MOB4: variants seen among roughly 807,000 people sequenced by gnomAD.
MOB4 encodes the protein MOB family member 4, phocein.
A neutral mutation model predicts 32.2 loss-of-function variants in MOB4; 4 were observed. The ratio of observed to expected loss-of-function variants is 0.12; its 90% confidence interval spans 0.06 to 0.28. The LOEUF (loss-of-function observed/expected upper bound fraction) is 0.28, where lower values mean the gene tolerates loss of function less well. Ranked by LOEUF, MOB4 falls within the 10% of genes least tolerant of loss-of-function variation. The pLI is 1.00. For missense variants in MOB4, 158 were observed against 271.2 expected (o/e 0.58, Z 2.93); for synonymous variants, 88 against 88.1 (o/e 1.00, Z 0.01).
intron 3 of MOB4, among the ~76,000 whole-genome samples, chr2:197,539,196 G>T (rs1248833630): frequency 6.6e-6 from 1 of 152,074 alleles, no homozygotes; most frequent in East Asian, 1.9e-4. Flanking sequence ...TAATAGGTAG[G>T]ACTTTAGGAG....
rs186717059 is a variant in MOB4, at chr2:197,549,439, T to C, written c.435-836T>C. 5.9e-4 allele frequency among the ~76,000 whole-genome samples: 90 copies of C among 152,306 alleles called. No homozygotes were observed. The East Asian group carries it at 0.016, about 26-fold the overall frequency. The stretch of plus-strand genomic sequence containing the variant: ...AGCTTCAAAGAGCTCATATAAAATA[T>C]GTTAAGAAAAATACTGACTTTTGAC... On this transcript the variant is annotated intron_variant, in intron 6 of 7. Transcript: ENST00000323303.
chr2:197,516,178 C>G (rs997323851), intron 1 of MOB4, 32 bp downstream of exon 1: 1 of 1,580,632 alleles, frequency 6.3e-7, no homozygotes. Flanking sequence ...TGTCGGGCAA[C>G]TAGGTGCCGA....
intron 6 of MOB4, among the ~76,000 whole-genome samples, chr2:197,548,659 A>G (rs1251071930): frequency 6.6e-6 from 1 of 152,186 alleles, no homozygotes; most frequent in African/African-American, 2.4e-5. Context: ...TTTTAAAAGT[A>G]AAATTAGGTT....
intron 5 of MOB4, among the ~76,000 whole-genome samples, chr2:197,541,737 G>A (rs1236514514): frequency 6.6e-6 from 1 of 152,040 alleles, no homozygotes; most frequent in Admixed American, 6.6e-5. Context: ...GGCTAAAACG[G>A]TGAAACCCCG....
chr2:197,530,482 C>T (rs146274651), intron 2 of MOB4, among the ~76,000 whole-genome samples: 2 of 151,308 alleles, frequency 1.3e-5, no homozygotes, highest in East Asian at 1.9e-4. Context: ...CTAGGCTGGT[C>T]TTGAACTCTT....
chr2:197,521,246 C>T (rs541503156), intron 1 of MOB4, among the ~76,000 whole-genome samples: 152 of 152,206 alleles, frequency 1.0e-3, no homozygotes, highest in African/African-American at 3.4e-3. Flanking sequence ...CATCACATGT[C>T]GGTGGGTACC....
chr2:197,550,654 C>A lies in MOB4; in HGVS notation c.*8C>A. Reference sequence around the variant, plus strand: ...GGGGAAAGTGAAGCATGAAGGGAATCATAGGAAAAATGTACTGATCATATA... The same window carrying A: ...GGGGAAAGTGAAGCATGAAGGGAATAATAGGAAAAATGTACTGATCATATA... On this transcript the variant is annotated 3_prime_UTR_variant, in exon 8 of 8. Transcript: ENST00000323303. The A allele has an allele frequency of 6.3e-7, 1 of 1,583,862 alleles. No homozygotes were observed.
chr2:197,533,490 C>G (rs1027727191), intron 2 of MOB4, among the ~76,000 whole-genome samples: 5 of 151,976 alleles, frequency 3.3e-5, no homozygotes, highest in African/African-American at 7.3e-5. Context: ...TTCGGGAGGC[C>G]GAGGCGGGTG....
At chr2:197,516,407 C>T (rs1040327478) in intron 1 of MOB4, 35 of 1,388,908 alleles carry the variant, frequency 2.5e-5, no homozygotes, top group South Asian at 9.1e-5. Flanking sequence ...CTGCCGAAGC[C>T]CTGGGCTGCG....
At chr2:197,548,836 T>C (rs2087044060) in intron 6 of MOB4, among the ~76,000 whole-genome samples, 1 of 152,096 alleles carries the variant, frequency 6.6e-6, no homozygotes, top group South Asian at 2.1e-4. Context: ...TCTGCAGAGC[T>C]CTCCCTCTCA....
intron 1 of MOB4, among the ~76,000 whole-genome samples, chr2:197,521,059 TA>T (rs1344336632): frequency 2.0e-5 from 3 of 152,086 alleles, no homozygotes; most frequent in Non-Finnish European, 4.4e-5. Flanking sequence ...ATGCAGTGTA[TA>T]ATAATCACAT....
intron 1 of MOB4, among the ~76,000 whole-genome samples, chr2:197,522,100 T>C (rs1446153669): frequency 6.6e-6 from 1 of 152,154 alleles, no homozygotes; most frequent in Admixed American, 6.5e-5. Flanking sequence ...GTCCATGAAA[T>C]CTTCACAATC....
chr2:197,540,940 T>C (rs2086885906), intron 5 of MOB4, among the ~76,000 whole-genome samples: 1 of 151,980 alleles, frequency 6.6e-6, no homozygotes, highest in Non-Finnish European at 1.5e-5. Context: ...CTTACTCCGT[T>C]GTCCAGGCTG....
chr2:197,552,888 G>A lies in MOB4; in HGVS notation c.*2242G>A, dbSNP rs992060258. ...GGAAGTTAGGCTCCACTTTTTGTTT[G>A]AATTACCCTATGTATATCCGAAGGT... On this transcript the variant is annotated 3_prime_UTR_variant, in exon 8 of 8. Transcript: ENST00000323303. 2.0e-5 allele frequency: 3 copies of A among 152,190 alleles called. No homozygotes were observed. Among genetic ancestry groups the A allele is most frequent in the Admixed American group, 2.0e-4 (3 of 15,278 alleles). 9.4% of individuals were successfully genotyped at this position (152,190 alleles called of 1,614,324 possible). A position where few individuals can be genotyped will look rare whatever the true frequency, so the allele number is the denominator to read the frequency against.
intron 2 of MOB4, among the ~76,000 whole-genome samples, chr2:197,532,506 C>T (rs1480709025): frequency 2.0e-5 from 3 of 151,562 alleles, no homozygotes; most frequent in Non-Finnish European, 2.9e-5. Flanking sequence ...TTAGCCTAGG[C>T]GGTCTTGAAT....
At chr2:197,548,575 G>A (rs1451961751) in intron 6 of MOB4, among the ~76,000 whole-genome samples, 160 bp downstream of exon 6, 1 of 152,020 alleles carries the variant, frequency 6.6e-6, no homozygotes, top group African/African-American at 2.4e-5. Context: ...GTATACATAT[G>A]TTACAAACCT....
intron 1 of MOB4, among the ~76,000 whole-genome samples, chr2:197,519,310 G>A (rs1348571275): frequency 3.3e-5 from 5 of 152,158 alleles, no homozygotes; most frequent in East Asian, 1.9e-4. Flanking sequence ...ATGAGAAGGC[G>A]AAACATTTCA....
At chr2:197,516,423 G>A in intron 1 of MOB4, 1 of 1,351,406 alleles carries the variant, frequency 7.4e-7, no homozygotes, top group Non-Finnish European at 9.7e-7. Context: ...CTGCGAGCCT[G>A]TCAGCAGCAA....
intron 1 of MOB4, 66 bp downstream of exon 1, chr2:197,516,212 C>G: frequency 6.5e-7 from 1 of 1,543,644 alleles, no homozygotes; most frequent in Middle Eastern, 1.8e-4. Flanking sequence ...CGGAAGCTGG[C>G]CGCCACTGCG....
Sources: allele counts gnomAD v4.1 joint callset (sites outside exome capture counted in the v4.1 genomes callset), GRCh38; gene constraint gnomAD v4.1.1; transcripts MANE v1.5; gene names NCBI Gene and HGNC (gene_info 2026-07-23, HGNC 2026-07-21).